The following SLC23A2 variants were observed in gnomAD, a reference collection of about 807,000 sequenced individuals.
The protein encoded by SLC23A2 is Na(+)/L-ascorbic acid transporter 2.
A neutral mutation model predicts 73.3 loss-of-function variants in SLC23A2; 36 were observed. The ratio of observed to expected loss-of-function variants is 0.49; its 90% CI spans 0.38 to 0.65. The LOEUF is 0.65. Ranked by LOEUF, SLC23A2 falls within the 30% of genes least tolerant of loss-of-function variation. The pLI is 0.00. For synonymous variants in SLC23A2, 343 were observed against 327.3 expected (o/e 1.05, Z -0.52); for missense variants, 507 against 841.6 (o/e 0.60, Z 4.92).
At position 4,902,411 on chromosome 20, in the gene SLC23A2, G is replaced by C. The variant is rs866093954; in HGVS notation, c.324+31C>G. The C allele has an allele frequency of 2.5e-6, 3 of 1,180,840 alleles. No individual in the cohort carries two copies. The Middle Eastern group carries it at 5.8e-4, about 229-fold the overall frequency. The allele number at this position is 1,180,840 out of a possible 1,614,324, so 73.1% of individuals were successfully genotyped here. On this transcript the variant is annotated intron_variant, in intron 5 of 16. Transcript: ENST00000338244. The surrounding 1 kb of genome is among the most constrained non-coding windows in gnomAD (Gnocchi z 4.0). Reference sequence around the variant, plus strand: ...TGGTAGACAATGCAAACACCTGCTGGTAGTTACACATCCTACAGGAACCAT... The same window carrying C: ...TGGTAGACAATGCAAACACCTGCTGCTAGTTACACATCCTACAGGAACCAT...
intron 3 of SLC23A2, among the ~76,000 whole-genome samples, chr20:4,927,160 TAA>T (rs1932702331): frequency 6.6e-6 from 1 of 152,108 alleles, no homozygotes; most frequent in South Asian, 2.1e-4. Context: ...CGAGTGCAAC[TAA>T]CGAAGTGAAT....
At chr20:4,972,223 A>C (rs1600188726) in intron 1 of SLC23A2, among the ~76,000 whole-genome samples, 1 of 152,318 alleles carries the variant, frequency 6.6e-6, no homozygotes, top group Non-Finnish European at 1.5e-5. Context: ...CCTTATGTTG[A>C]GACATCAACT....
chr20:4,867,716 T>C (rs1374439292), intron 13 of SLC23A2, 54 bp downstream of exon 13: 15 of 1,033,376 alleles, frequency 1.5e-5, no homozygotes, highest in Non-Finnish European at 2.2e-5. Flanking sequence ...GATCGATCAA[T>C]GAAATGGACC....
intron 3 of SLC23A2, among the ~76,000 whole-genome samples, chr20:4,923,403 C>A (rs914912931): frequency 1.6e-4 from 25 of 152,192 alleles, no homozygotes; most frequent in African/African-American, 6.0e-4. Flanking sequence ...TTCCCCCCAA[C>A]TTACAAATTT....
rs1157114888 is a variant in SLC23A2 at position 4,883,210 on chromosome 20, T to C, written c.824+432A>G. On this transcript the variant is annotated intron_variant, in intron 9 of 16. Transcript: ENST00000338244. The surrounding 1 kb of genome is among the most constrained non-coding windows in gnomAD (Gnocchi z 4.5). ...GTGTGGCCTGGGGAGAAGAGTCACA[T>C]CATCAATGGCAACAGACCTTTCCCA... Among the ~76,000 whole-genome samples, 1 of 152,084 alleles carries C rather than the reference T, an allele frequency of 6.6e-6. No homozygotes were observed. Among genetic ancestry groups the C allele is most frequent in the East Asian group, 1.9e-4 (1 of 5,192 alleles).
Position 4,899,556 on chromosome 20 carries a change from T to C in SLC23A2, c.481A>G (p.Arg161Gly). The C allele has an allele frequency of 6.2e-7, 1 of 1,614,094 alleles. No individual in the cohort carries two copies. The highest frequency in any genetic ancestry group is 8.5e-7 in the Non-Finnish European group (1 of 1,179,976). The change falls in exon 6 of 17, where the codon AGG (arginine) becomes GGG (glycine). Residue 161 changes from arginine (R) to glycine (G), a missense_variant and splice_region_variant. Transcript: ENST00000338244. This position sits in a 1 kb window ranked among gnomAD's most constrained non-coding sequence, Gnocchi z 4.9. ...TTLLQTTFGC[R>G]LPLFQASAFA... is the part of the protein sequence containing the mutation. ...CCCCCATTAGTACCCCAATCTCACC[T>C]GCATCCAAACGTTGTCTGTAGCAAA...
At chr20:4,945,591 A>G (rs1022046455) in intron 2 of SLC23A2, among the ~76,000 whole-genome samples, 2 of 152,192 alleles carry the variant, frequency 1.3e-5, no homozygotes, top group African/African-American at 4.8e-5. Flanking sequence ...GCCAGCGCTC[A>G]TTTTTCAAAC....
chr20:4,992,874 A>G (rs2087951100), intron 1 of SLC23A2, among the ~76,000 whole-genome samples: 1 of 152,112 alleles, frequency 6.6e-6, no homozygotes, highest in African/African-American at 2.4e-5. Flanking sequence ...AAAAAATGCA[A>G]ATCTTAACAC....
chr20:5,006,217 C>T (rs1487337838), upstream of SLC23A2, among the ~76,000 whole-genome samples: 1 of 151,714 alleles, frequency 6.6e-6, no homozygotes, highest in Non-Finnish European at 1.5e-5. Context: ...CCTGCCTCAG[C>T]CTCCCGAGTA....
chr20:5,010,124 A>C (rs1480588926), intron 1 of SLC23A2: 2 of 151,834 alleles, frequency 1.3e-5, no homozygotes, highest in Admixed American at 6.6e-5. Flanking sequence ...GAGGATATGA[A>C]AGAGGGGATT....
upstream of SLC23A2, among the ~76,000 whole-genome samples, chr20:5,006,201 G>C (rs976770541): frequency 1.3e-5 from 2 of 151,430 alleles, no homozygotes. Context: ...GAGTTCAAGC[G>C]GTTCTCCTGC....
chr20:4,923,588 C>T (rs1454129211), intron 3 of SLC23A2, among the ~76,000 whole-genome samples: 2 of 152,188 alleles, frequency 1.3e-5, no homozygotes, highest in Non-Finnish European at 2.9e-5. Context: ...TCCTCAGGCC[C>T]TTCTTGGAAT....
chr20:4,979,033 G>A (rs1341272594), intron 1 of SLC23A2, among the ~76,000 whole-genome samples: 1 of 152,108 alleles, frequency 6.6e-6, no homozygotes, highest in Non-Finnish European at 1.5e-5. Flanking sequence ...TAAGGCTCAC[G>A]TCTGTAATCC....
chr20:4,886,410 A>G (rs961278522), intron 6 of SLC23A2, among the ~76,000 whole-genome samples: 24 of 152,260 alleles, frequency 1.6e-4, no homozygotes, highest in African/African-American at 5.5e-4. Context: ...AAATCATAAT[A>G]GTGATCTAGA....
rs146066206 is a variant in SLC23A2 at position 4,995,311 on chromosome 20, G to A, written c.-282+6095C>T. On this transcript the variant is annotated intron_variant, in intron 1 of 16. Transcript: ENST00000338244. ...CAGGCAAACAAGGCAGGAGCAAGAGGAGACGGTCCTGCTCCCATTCAGCCT... is the reference window on the plus strand; with the variant it reads ...CAGGCAAACAAGGCAGGAGCAAGAGAAGACGGTCCTGCTCCCATTCAGCCT... Among the ~76,000 whole-genome samples, 55 of 152,216 alleles carry A rather than the reference G, an allele frequency of 3.6e-4. 1 individual carries two copies. In the East Asian group the frequency reaches 0.01, roughly 29 times the overall value.
In SLC23A2 at chr20:4,979,964, A is replaced by C. The variant is rs190369622; in HGVS notation, c.-281-9045T>G. Among the ~76,000 whole-genome samples the C allele has an allele frequency of 1.9e-4, 28 of 150,172 alleles. No individual in the cohort carries two copies. The East Asian group carries it at 5.5e-3, about 29-fold the overall frequency. ...TCACCAGGAAAGAGAGACAGATACA[A>C]GACTGGAAAAACTGGCAAAAAAAAC... On this transcript the variant is annotated intron_variant, in intron 1 of 16. Coordinates refer to ENST00000338244, the MANE Select transcript of SLC23A2 (RefSeq NM_005116.6).
intron 1 of SLC23A2, among the ~76,000 whole-genome samples, chr20:4,997,252 A>G (rs1327257806): frequency 1.3e-5 from 2 of 151,916 alleles, no homozygotes; most frequent in Non-Finnish European, 2.9e-5. Flanking sequence ...AAACCCTCCA[A>G]TGGCTTCTAC....
At chr20:4,955,328 G>A (rs2087266791) in intron 2 of SLC23A2, among the ~76,000 whole-genome samples, 1 of 148,982 alleles carries the variant, frequency 6.7e-6, no homozygotes, top group Non-Finnish European at 1.5e-5. Context: ...TATAGGTAAT[G>A]CATCTGTCTA....
intron 2 of SLC23A2, among the ~76,000 whole-genome samples, chr20:4,970,485 C>G (rs1258328274): frequency 1.3e-5 from 2 of 152,112 alleles, no homozygotes; most frequent in Non-Finnish European, 2.9e-5. Context: ...ATAATCCCAG[C>G]ACTTTGGGAG....
Sources: allele counts gnomAD v4.1 joint callset (sites outside exome capture counted in the v4.1 genomes callset), GRCh38; gene constraint gnomAD v4.1.1; non-coding constraint Gnocchi (gnomAD v3.1); transcripts MANE v1.5; gene names NCBI Gene and HGNC (gene_info 2026-07-23, HGNC 2026-07-21).